Variants in CENPW observed in about 807,000 individuals in gnomAD.
CENPW encodes centromere protein W, also known as cancer-up-regulated gene 2 protein.
CENPW carries 3 observed loss-of-function variants against 11.1 expected under a neutral mutation model. The ratio of observed to expected loss-of-function variants is 0.27; its 90% CI spans 0.12 to 0.70. The LOEUF is 0.70. CENPW is among the 30% of genes least tolerant of loss of function. The probability of loss-of-function intolerance (pLI) is 0.77; values close to 1 mark genes in which losing one functional copy is unlikely to be tolerated. For missense variants in CENPW, 100 were observed against 105.6 expected (o/e 0.95, Z 0.23); for synonymous variants, 38 against 42.0 (o/e 0.91, Z 0.37).
the CENPW span, among the ~76,000 whole-genome samples, chr6:126,459,680 T>C: frequency 1.3e-5 from 2 of 151,484 alleles, no homozygotes; most frequent in African/African-American, 2.4e-5. Flanking sequence ...ATTGGAGAAA[T>C]CAAATGTCTT....
the CENPW span, among the ~76,000 whole-genome samples, chr6:126,478,410 A>ATCTC: frequency 5.9e-4 from 86 of 146,872 alleles, no homozygotes; most frequent in South Asian, 2.4e-3. Flanking sequence ...GTCTCTCTTT[A>ATCTC]TCTCTCTCTC....
At chr6:126,368,975 A>G in the CENPW span, among the ~76,000 whole-genome samples, 5 of 151,858 alleles carry the variant, frequency 3.3e-5, no homozygotes, top group African/African-American at 9.7e-5. Flanking sequence ...AGTCCATTGT[A>G]TTATTCTTAT....
the CENPW span, among the ~76,000 whole-genome samples, chr6:126,466,033 A>C: frequency 3.9e-5 from 6 of 152,136 alleles, no homozygotes; most frequent in Non-Finnish European, 5.9e-5. Flanking sequence ...GAAGGTTTGA[A>C]TAGGTGAAGA....
the CENPW span, among the ~76,000 whole-genome samples, chr6:126,467,037 AG>A: frequency 2.6e-5 from 4 of 152,224 alleles, no homozygotes; most frequent in African/African-American, 9.6e-5. Context: ...ATGAATTAGA[AG>A]AATTAATATC....
chr6:126,341,843 C>G (rs1007782859), intron 1 of CENPW, among the ~76,000 whole-genome samples: 5 of 152,344 alleles, frequency 3.3e-5, no homozygotes, highest in Middle Eastern at 3.4e-3. Context: ...AGTCAGCATC[C>G]TCCCACATCT....
chr6:126,474,092 G>T, the CENPW span, among the ~76,000 whole-genome samples: 947 of 150,040 alleles, frequency 6.3e-3, 6 homozygotes, highest in African/African-American at 0.019. Flanking sequence ...TATATATATA[G>T]AGAGAGATAC....
At chr6:126,463,963 C>T in the CENPW span, among the ~76,000 whole-genome samples, 2 of 151,846 alleles carry the variant, frequency 1.3e-5, no homozygotes, top group Non-Finnish European at 2.9e-5. Context: ...GCCAAAATTA[C>T]CGTTATATCA....
At chr6:126,383,562 A>G in the CENPW span, among the ~76,000 whole-genome samples, 1 of 152,138 alleles carries the variant, frequency 6.6e-6, no homozygotes, top group Non-Finnish European at 1.5e-5. Flanking sequence ...TAGGCTCAAA[A>G]TAAAGGGGTG....
At chr6:126,476,847 GTGTCTAAAACCAGATGGGTTAA>G in the CENPW span, among the ~76,000 whole-genome samples, 107 of 152,034 alleles carry the variant, frequency 7.0e-4, no homozygotes, top group East Asian at 0.01. Context: ...AATTGTGTAA[GTGTCTAAAACCAGATGGGTTAA>G]TGTCTAAAAC....
chr6:126,381,661 G>A, the CENPW span, among the ~76,000 whole-genome samples: 3 of 152,260 alleles, frequency 2.0e-5, no homozygotes, highest in African/African-American at 4.8e-5. Context: ...GCACCTTGCC[G>A]CACTGCTGCT....
intron 1 of CENPW, among the ~76,000 whole-genome samples, chr6:126,343,796 C>T (rs1260846831): frequency 6.6e-6 from 1 of 152,122 alleles, no homozygotes; most frequent in Non-Finnish European, 1.5e-5. Context: ...AGATGGTGCC[C>T]ACCCAGATTG....
At chr6:126,383,077 A>G in the CENPW span, among the ~76,000 whole-genome samples, 1 of 152,226 alleles carries the variant, frequency 6.6e-6, no homozygotes, top group Non-Finnish European at 1.5e-5. Flanking sequence ...CAGACCTCTC[A>G]ACAGAAATTC....
At chr6:126,449,498 C>T in the CENPW span, among the ~76,000 whole-genome samples, 2 of 150,992 alleles carry the variant, frequency 1.3e-5, no homozygotes, top group Non-Finnish European at 3.0e-5. Context: ...GTATTGCTAA[C>T]CAAACTTCTG....
At chr6:126,377,462 A>C in the CENPW span, among the ~76,000 whole-genome samples, 1 of 152,172 alleles carries the variant, frequency 6.6e-6, no homozygotes, top group African/African-American at 2.4e-5. Flanking sequence ...TTAATTTTTA[A>C]GATGTGATTC....
chr6:126,357,889 G>A, the CENPW span, among the ~76,000 whole-genome samples: 37 of 152,290 alleles, frequency 2.4e-4, no homozygotes, highest in African/African-American at 8.7e-4. Context: ...TTACAGGTGT[G>A]AGCCACCACG....
At chr6:126,476,244 G>A in the CENPW span, among the ~76,000 whole-genome samples, 3 of 151,966 alleles carry the variant, frequency 2.0e-5, no homozygotes, top group Non-Finnish European at 4.4e-5. Flanking sequence ...GTGGTCAGTT[G>A]AAGCTCAAAG....
the CENPW span, among the ~76,000 whole-genome samples, chr6:126,407,551 A>G: frequency 2.0e-5 from 3 of 152,206 alleles, no homozygotes; most frequent in African/African-American, 7.2e-5. Context: ...TACTCCCACC[A>G]ATAGTGTAAA....
At chr6:126,468,166 TC>T in the CENPW span, among the ~76,000 whole-genome samples, 1 of 151,996 alleles carries the variant, frequency 6.6e-6, no homozygotes, top group Non-Finnish European at 1.5e-5. Context: ...ATGCCTGTAA[TC>T]CCAGCACTTT....
the CENPW span, among the ~76,000 whole-genome samples, chr6:126,375,775 C>T: frequency 7.9e-5 from 12 of 152,064 alleles, no homozygotes; most frequent in Admixed American, 1.3e-4. Context: ...TCTCACTCTT[C>T]GTTACTTTAG....
Sources: gnomAD v4.1 joint callset for allele counts (sites outside exome capture counted in the v4.1 genomes callset) on GRCh38, gnomAD v4.1.1 for gene constraint, MANE v1.5 for transcripts, NCBI Gene and HGNC (gene_info 2026-07-23, HGNC 2026-07-21) for gene names.